Variants in TUSC3 observed in about 807,000 individuals in gnomAD.
TUSC3 encodes tumor suppressor candidate 3.
TUSC3 carries 45 observed loss-of-function variants against 44.8 expected under a neutral mutation model. The observed-to-expected ratio is 1.00, with a 90% CI of 0.79 to 1.29. The LOEUF is 1.29. Ranked by LOEUF, TUSC3 falls within the 50% of genes most tolerant of loss-of-function variation. TUSC3 has a pLI of 0.00. For synonymous variants in TUSC3, 212 were observed against 152.9 expected, an observed-to-expected ratio of 1.39 and a Z score of -2.85; for missense variants, 519 against 437.9, an observed-to-expected ratio of 1.19 and a Z score of -1.65.
chr8:15,626,238 C>A (rs1327332499), intron 2 of TUSC3, among the ~76,000 whole-genome samples: 1 of 152,198 alleles, frequency 6.6e-6, no homozygotes, highest in Non-Finnish European at 1.5e-5. Flanking sequence ...TGTCACCTGC[C>A]ACTTCTACGG....
chr8:15,576,143 A>G (rs1350125820), intron 1 of TUSC3, among the ~76,000 whole-genome samples: 2 of 151,528 alleles, frequency 1.3e-5, no homozygotes, highest in Admixed American at 1.3e-4. Flanking sequence ...GAGTTTTTGA[A>G]TGATGTGTGC....
chr8:15,814,098 T>C, the TUSC3 span, among the ~76,000 whole-genome samples: 6 of 152,316 alleles, frequency 3.9e-5, no homozygotes, highest in African/African-American at 1.4e-4. Flanking sequence ...GAAACTTCAT[T>C]TAAATAATTT....
chr8:15,773,741 A>G, the TUSC3 span, among the ~76,000 whole-genome samples: 1 of 152,200 alleles, frequency 6.6e-6, no homozygotes, highest in South Asian at 2.1e-4. Flanking sequence ...GTGTAAGGAT[A>G]AACATATAGA....
intron 6 of TUSC3, among the ~76,000 whole-genome samples, chr8:15,693,771 G>A (rs573526064): frequency 6.6e-6 from 1 of 151,982 alleles, no homozygotes; most frequent in East Asian, 2.0e-4. Flanking sequence ...TCCCTTACAG[G>A]GACACCAGTG....
At chr8:15,658,794 C>T (rs1056944897) in intron 3 of TUSC3, among the ~76,000 whole-genome samples, 3 of 151,806 alleles carry the variant, frequency 2.0e-5, no homozygotes, top group African/African-American at 7.3e-5. Context: ...GTTAAATAAG[C>T]ACCGTTTATA....
At chr8:15,484,171 A>G (rs1563263247) in intron 2 of TUSC3, among the ~76,000 whole-genome samples, 2 of 152,036 alleles carry the variant, frequency 1.3e-5, no homozygotes. Context: ...AATTAGGTCT[A>G]TTTTTAGTGA....
chr8:15,844,730 C>T, the TUSC3 span, among the ~76,000 whole-genome samples: 1 of 152,142 alleles, frequency 6.6e-6, no homozygotes, highest in African/African-American at 2.4e-5. Context: ...AGCATGCCTA[C>T]CTCATCAGAA....
chr8:15,607,221 T>A (rs1388035153), intron 1 of TUSC3, among the ~76,000 whole-genome samples: 1 of 152,040 alleles, frequency 6.6e-6, no homozygotes, highest in Non-Finnish European at 1.5e-5. Context: ...TTTCAGTACA[T>A]TTTTTTCATT....
intron 2 of TUSC3, among the ~76,000 whole-genome samples, chr8:15,490,066 A>C (rs1054996684): frequency 1.0e-3 from 159 of 152,232 alleles, no homozygotes; most frequent in African/African-American, 3.7e-3. Flanking sequence ...GGTGTCCTTA[A>C]GTATGTAAAA....
intron 1 of TUSC3, among the ~76,000 whole-genome samples, chr8:15,554,884 C>T (rs1802186413): frequency 6.6e-6 from 1 of 151,186 alleles, no homozygotes; most frequent in African/African-American, 2.4e-5. Flanking sequence ...GGATTACAAG[C>T]GTGAGCCACC....
chr8:15,613,464 C>T (rs147636905), intron 1 of TUSC3, among the ~76,000 whole-genome samples: 1 of 152,186 alleles, frequency 6.6e-6, no homozygotes, highest in African/African-American at 2.4e-5. Context: ...TGCATTGGCC[C>T]ATGCAGTTTT....
At chr8:15,601,199 G>A (rs549637132) in intron 1 of TUSC3, among the ~76,000 whole-genome samples, 4 of 151,776 alleles carry the variant, frequency 2.6e-5, no homozygotes, top group African/African-American at 9.6e-5. Flanking sequence ...GTATTATTTT[G>A]ACAGGCAGTA....
chr8:15,650,237 C>T (rs928187280), intron 2 of TUSC3, among the ~76,000 whole-genome samples: 2 of 152,114 alleles, frequency 1.3e-5, no homozygotes. Flanking sequence ...TTTTGTTTTT[C>T]TGTTAAACTA....
intron 1 of TUSC3, among the ~76,000 whole-genome samples, chr8:15,609,590 C>T (rs979533866): frequency 2.6e-5 from 4 of 151,974 alleles, no homozygotes; most frequent in African/African-American, 9.7e-5. Flanking sequence ...ATGGGAAGCT[C>T]ATTTGACCCA....
the TUSC3 span, among the ~76,000 whole-genome samples, chr8:15,843,641 T>A: frequency 6.9e-6 from 1 of 145,822 alleles, no homozygotes; most frequent in Non-Finnish European, 1.5e-5. Context: ...TACACATATA[T>A]ACATCTATAT....
intron 2 of TUSC3, among the ~76,000 whole-genome samples, chr8:15,523,146 G>A (rs534617823): frequency 4.6e-5 from 7 of 152,220 alleles, no homozygotes; most frequent in African/African-American, 1.4e-4. Flanking sequence ...CTTTCCATTT[G>A]TTCTCCTCTC....
chr8:15,760,899 C>T (rs896945719), intron 10 of TUSC3, among the ~76,000 whole-genome samples: 2 of 152,156 alleles, frequency 1.3e-5, no homozygotes, highest in African/African-American at 4.8e-5. Context: ...CTGCATCTTA[C>T]TTGTTCTCAG....
At chr8:15,520,046 C>T (rs557332830) in intron 2 of TUSC3, among the ~76,000 whole-genome samples, 4 of 152,132 alleles carry the variant, frequency 2.6e-5, no homozygotes, top group Admixed American at 6.6e-5. Flanking sequence ...CCAGTGTGTA[C>T]CTAATAAGAT....
At chr8:15,783,520 A>G in the TUSC3 span, among the ~76,000 whole-genome samples, 1 of 152,194 alleles carries the variant, frequency 6.6e-6, no homozygotes, top group Admixed American at 6.5e-5. Context: ...TGGCATAAAA[A>G]CAGACACATT....
Sources: allele counts gnomAD v4.1 joint callset (sites outside exome capture counted in the v4.1 genomes callset), GRCh38; gene constraint gnomAD v4.1.1; transcripts MANE v1.5; gene names NCBI Gene and HGNC (gene_info 2026-07-23, HGNC 2026-07-21).